Variants in FNTA observed in about 807,000 individuals in gnomAD.
FNTA encodes farnesyltransferase, CAAX box, subunit alpha.
FNTA carries 27 observed loss-of-function variants against 55.2 expected under a neutral mutation model. The observed-to-expected ratio is 0.49, with a 90% CI of 0.36 to 0.67. FNTA has a LOEUF of 0.67. Ranked by LOEUF, FNTA falls within the 30% of genes least tolerant of loss-of-function variation. The pLI is 0.00. For synonymous variants in FNTA, 176 were observed against 170.7 expected, an observed-to-expected ratio of 1.03 and a Z score of -0.24; for missense variants, 422 against 464.7, an observed-to-expected ratio of 0.91 and a Z score of 0.85.
chr8:43,085,541 A>G lies in FNTA; in HGVS notation c.*259A>G, dbSNP rs1368682034. 1 of 447,664 alleles carries G rather than the reference A, an allele frequency of 2.2e-6. No individual in the cohort carries two copies. Among genetic ancestry groups the G allele is most frequent in the Non-Finnish European group, 4.0e-6 (1 of 252,870 alleles). 27.7% of individuals were successfully genotyped at this position (447,664 alleles called of 1,614,324 possible). A position where few individuals can be genotyped will look rare whatever the true frequency, so the allele number is the denominator to read the frequency against. ...TAAAGGAACTTTTGTAGTCTTATCA[A>G]CATATAATCTAATCCCTTAGCATCA... On this transcript the variant is annotated 3_prime_UTR_variant, in exon 9 of 9. Coordinates refer to ENST00000302279, the MANE Select transcript of FNTA (RefSeq NM_002027.3).
At chr8:43,070,719 C>A (rs555433131) in intron 4 of FNTA, among the ~76,000 whole-genome samples, 18 of 152,332 alleles carry the variant, frequency 1.2e-4, no homozygotes, top group African/African-American at 3.8e-4. Flanking sequence ...CCGCTCTGTT[C>A]GTTTTATAAC....
chr8:43,063,011 G>C, intron 2 of FNTA, among the ~76,000 whole-genome samples: 1 of 151,734 alleles, frequency 6.6e-6, no homozygotes, highest in South Asian at 2.1e-4. Context: ...TCAAACTCTT[G>C]GGCTCAAGCA....
intron 2 of FNTA, 96 bp downstream of exon 2, chr8:43,059,273 T>C: frequency 2.5e-6 from 2 of 815,474 alleles, no homozygotes; most frequent in Non-Finnish European, 3.8e-6. Flanking sequence ...CAAATTTCTG[T>C]CTAATAAAAA....
At chr8:43,081,134 T>C (rs1811017965) in intron 6 of FNTA, 1 of 151,908 alleles carries the variant, frequency 6.6e-6, no homozygotes, top group South Asian at 2.1e-4. Context: ...ATTATAAAAG[T>C]AATGCAATGT....
rs1042809373 is a variant in FNTA, at chr8:43,056,357, C to T, written c.11C>T (p.Thr4Ile). Residue 4 changes from threonine (T) to isoleucine (I), a missense_variant, in exon 1 of 9, where the codon ACC becomes ATC. Transcript: ENST00000302279. MAA[T>I]EGVGEAAQGG... ...GCGGACCGAGGCGAGATGGCGGCCA[C>T]CGAGGGGGTCGGGGAGGCTGCGCAA... The T allele has an allele frequency of 2.8e-6, 4 of 1,425,342 alleles. No individual in the cohort carries two copies. The highest frequency in any genetic ancestry group is 1.5e-5 in the South Asian group (1 of 67,776). The allele number at this position is 1,425,342 out of a possible 1,614,324, so 88.3% of individuals were successfully genotyped here.
In FNTA at chr8:43,057,943, C is replaced by A. The variant is rs564063282; in HGVS notation, c.201-1149C>A. 2.6e-3 allele frequency among the ~76,000 whole-genome samples: 361 copies of A among 139,968 alleles called. 2 individuals are homozygous for A. The highest frequency in any genetic ancestry group is 0.011 in the South Asian group (49 of 4,510). The allele number at this position is 139,968 out of a possible 152,430, so 91.8% of individuals were successfully genotyped here. A position where few individuals can be genotyped will look rare whatever the true frequency, so the allele number is the denominator to read the frequency against. On this transcript the variant is annotated intron_variant, in intron 1 of 8. Coordinates refer to ENST00000302279, the MANE Select transcript of FNTA (RefSeq NM_002027.3). ...CATTGCACCACAGCCTGGACAAGAGCGTGACTCCATCTCAAAAAAAAAAAA... is the reference window on the plus strand; with the variant it reads ...CATTGCACCACAGCCTGGACAAGAGAGTGACTCCATCTCAAAAAAAAAAAA...
intron 2 of FNTA, among the ~76,000 whole-genome samples, chr8:43,062,171 TTATGTGTG>T (rs1361582371): frequency 2.7e-5 from 2 of 74,982 alleles, no homozygotes; most frequent in African/African-American, 3.7e-5. Flanking sequence ...TGTGTATGTT[TTATGTGTG>T]TGTGTGTGTG....
chr8:43,066,602 G>A (rs928793093), intron 3 of FNTA, among the ~76,000 whole-genome samples: 5 of 151,686 alleles, frequency 3.3e-5, no homozygotes, highest in African/African-American at 1.2e-4. Context: ...GTGTGTGTGT[G>A]TGTGTGTGTG....
At chr8:43,079,729 G>C (rs936399857) in intron 6 of FNTA, 1 of 152,224 alleles carries the variant, frequency 6.6e-6, no homozygotes, top group Admixed American at 6.5e-5. Flanking sequence ...ACCATAGATA[G>C]TGATTCCTCC....
rs112910348 is a variant in FNTA, at chr8:43,064,116, A to G, written c.302A>G (p.Asp101Gly). ...IYSDKFRDVY[D>G]YFRAVLQRDE... ...CTATCTCTAGTTAGAGATGTTTATGATTACTTCCGAGCTGTCCTGCAGCGT... is the reference window on the plus strand; with the variant it reads ...CTATCTCTAGTTAGAGATGTTTATGGTTACTTCCGAGCTGTCCTGCAGCGT... The change falls in exon 3 of 9, where the codon GAT becomes GGT. Residue 101 changes from aspartate (D) to glycine (G), a missense_variant. Physicochemically the swap from Asp to Gly is moderately conservative, Grantham distance 94 (BLOSUM62 -1). Transcript: ENST00000302279. 1 of 1,612,162 alleles carries G rather than the reference A, an allele frequency of 6.2e-7. No individual in the cohort carries two copies. Among genetic ancestry groups the G allele is most frequent in the Non-Finnish European group, 8.5e-7 (1 of 1,178,504 alleles).
chr8:43,056,600 C>T (rs1342042432), intron 1 of FNTA, 54 bp downstream of exon 1: 3 of 1,160,372 alleles, frequency 2.6e-6, no homozygotes, highest in Non-Finnish European at 2.2e-6. Context: ...GCCCAGCGGC[C>T]CCAAGACCCG....
chr8:43,066,037 TGG>T (rs1031140641), intron 3 of FNTA, among the ~76,000 whole-genome samples: 1 of 151,362 alleles, frequency 6.6e-6, no homozygotes. Flanking sequence ...GGGATTTTTC[TGG>T]GTTCTTCTGA....
Position 43,056,390 on chromosome 8 carries a change from A to G in FNTA, c.44A>G (p.Glu15Gly). The change falls in exon 1 of 9, where the codon GAG (glutamate) becomes GGG (glycine). Residue 15 changes from glutamate to glycine, a missense_variant. Glu to Gly is a moderately conservative substitution (Grantham distance 98, BLOSUM62 -2). Transcript: ENST00000302279. The stretch of plus-strand genomic sequence containing the variant: ...GTCGGGGAGGCTGCGCAAGGGGGCG[A>G]GCCCGGGCAGCCGGCGCAACCCCCG... ...EGVGEAAQGG[E>G]PGQPAQPPPQ... 1 of 1,493,616 alleles carries G rather than the reference A, an allele frequency of 6.7e-7. No homozygotes were observed. Among genetic ancestry groups the G allele is most frequent in the Non-Finnish European group, 8.9e-7 (1 of 1,124,620 alleles). 92.5% of individuals were successfully genotyped at this position (1,493,616 alleles called of 1,614,324 possible).
At position 43,072,178 on chromosome 8, in the gene FNTA, T is replaced by C. The variant is rs185560265; in HGVS notation, c.507-3T>C. On this transcript the variant is annotated splice_polypyrimidine_tract_variant and splice_region_variant and intron_variant, in intron 4 of 8. Transcript: ENST00000302279. ...AAACTTCTCTCCCTTCTTTGGGCTT[T>C]AGGCATCATAGGCGAGTATTAGTGG... 2 of 1,518,364 alleles carry C rather than the reference T, an allele frequency of 1.3e-6. No individual in the cohort carries two copies. Among genetic ancestry groups the C allele is most frequent in the East Asian group, 2.4e-5 (1 of 41,520 alleles). 94.1% of individuals were successfully genotyped at this position (1,518,364 alleles called of 1,614,324 possible). A position where few individuals can be genotyped will look rare whatever the true frequency, so the allele number is the denominator to read the frequency against.
rs192918958 is a variant in FNTA at position 43,058,797 on chromosome 8, A to G, written c.201-295A>G. On this transcript the variant is annotated intron_variant, in intron 1 of 8. Coordinates refer to ENST00000302279, the MANE Select transcript of FNTA (RefSeq NM_002027.3). ...GTCTCAAAAAAATAAAATAAAAAAA[A>G]GTACTGTCTACTTGCTGCAAAAACT... Among the ~76,000 whole-genome samples the G allele has an allele frequency of 2.7e-3, 405 of 152,334 alleles. 1 individual carries two copies. The highest frequency in any genetic ancestry group is 6.4e-3 in the African/African-American group (268 of 41,568).
chr8:43,064,224 T>C lies in FNTA; in HGVS notation c.401+9T>C. ...GCCAATTATACAGTGTGGTAAGTAA[T>C]ACACATCATCAGTATTCCCTGCTTA... On this transcript the variant is annotated intron_variant, in intron 3 of 8. Transcript: ENST00000302279. 2 of 1,478,198 alleles carry C rather than the reference T, an allele frequency of 1.4e-6. No individual in the cohort carries two copies. Among genetic ancestry groups the C allele is most frequent in the Non-Finnish European group, 1.9e-6 (2 of 1,056,472 alleles). 91.6% of individuals were successfully genotyped at this position (1,478,198 alleles called of 1,614,324 possible).
Position 43,057,948 on chromosome 8 carries a change from C to A in FNTA, c.201-1144C>A, listed in dbSNP as rs575286776. On this transcript the variant is annotated intron_variant, in intron 1 of 8. Transcript: ENST00000302279. ...CACCACAGCCTGGACAAGAGCGTGA[C>A]TCCATCTCAAAAAAAAAAAAAAAAA... is the stretch of plus-strand genomic sequence containing the variant. Among the ~76,000 whole-genome samples the A allele has an allele frequency of 2.5e-3, 360 of 142,886 alleles. 2 individuals are homozygous for A. The highest frequency in any genetic ancestry group is 0.01 in the South Asian group (47 of 4,552). The allele number at this position is 142,886 out of a possible 152,430, so 93.7% of individuals were successfully genotyped here.
intron 7 of FNTA, among the ~76,000 whole-genome samples, chr8:43,083,830 T>C (rs930195417): frequency 2.0e-5 from 3 of 152,162 alleles, no homozygotes; most frequent in African/African-American, 7.2e-5. Context: ...CCCAGCACTT[T>C]GGGAGGCCAA....
intron 2 of FNTA, among the ~76,000 whole-genome samples, chr8:43,062,288 GT>G (rs1277970716): frequency 2.8e-5 from 4 of 145,234 alleles, no homozygotes; most frequent in African/African-American, 7.6e-5. Flanking sequence ...TGGAAGCTTG[GT>G]TTTTTTTTTG....
Sources: allele counts gnomAD v4.1 joint callset (sites outside exome capture counted in the v4.1 genomes callset), GRCh38; gene constraint gnomAD v4.1.1; transcripts MANE v1.5; gene names NCBI Gene and HGNC (gene_info 2026-07-23, HGNC 2026-07-21).